The following SRGAP3 variants were observed in gnomAD, a reference collection of about 807,000 sequenced individuals.
The protein encoded by SRGAP3 is SLIT-ROBO Rho GTPase activating protein 3.
In SRGAP3, 39 loss-of-function variants were observed where a neutral mutation model predicts 121.1. The observed-to-expected ratio is 0.32, with a 90% CI of 0.25 to 0.42. SRGAP3 has a LOEUF of 0.42. Among genes scored for constraint, SRGAP3 ranks in the 10% least tolerant of loss-of-function variants. The pLI is 1.00. For missense variants in SRGAP3, 1,213 were observed against 1,470.6 expected, an observed-to-expected ratio of 0.82 and a Z score of 2.86; for synonymous variants, 601 against 570.0, an observed-to-expected ratio of 1.05 and a Z score of -0.77.
chr3:9,068,324 T>C (rs1255658219), intron 4 of SRGAP3, among the ~76,000 whole-genome samples: 1 of 152,210 alleles, frequency 6.6e-6, no homozygotes, highest in Non-Finnish European at 1.5e-5. Context: ...AATTCCCACA[T>C]ATCCTTTGCC....
intron 3 of SRGAP3, 105 bp downstream of exon 3, chr3:9,104,575 C>T: frequency 1.3e-6 from 2 of 1,488,462 alleles, no homozygotes; most frequent in Admixed American, 3.4e-5. Context: ...CCTGCCCCTC[C>T]TGGTCCCTTG....
intron 3 of SRGAP3, among the ~76,000 whole-genome samples, chr3:9,261,956 G>A (rs1954265504): frequency 6.6e-6 from 1 of 151,076 alleles, no homozygotes; most frequent in Admixed American, 6.6e-5. Context: ...AGGGCAGCCA[G>A]AGAGAAAGGT....
intron 3 of SRGAP3, among the ~76,000 whole-genome samples, chr3:9,273,980 T>G (rs896691930): frequency 6.6e-6 from 1 of 152,220 alleles, no homozygotes; most frequent in Non-Finnish European, 1.5e-5. Context: ...TGATCATTTT[T>G]AATATCCTTT....
chr3:9,337,893 A>G (rs1268842816), intron 1 of SRGAP3, among the ~76,000 whole-genome samples: 1 of 152,234 alleles, frequency 6.6e-6, no homozygotes, highest in Non-Finnish European at 1.5e-5. Flanking sequence ...ATCCTGCAGG[A>G]AAGAAATGGT....
At chr3:9,030,564 C>T (rs183642282) in intron 12 of SRGAP3, among the ~76,000 whole-genome samples, 7 of 152,260 alleles carry the variant, frequency 4.6e-5, no homozygotes, top group Middle Eastern at 3.4e-3. Flanking sequence ...AGGTGGCTTC[C>T]CAAGGTGACT....
At position 8,984,581 on chromosome 3, in the gene SRGAP3, G is replaced by C; in HGVS notation, c.*938C>G. 4.3e-6 allele frequency: 1 copy of C among 232,608 alleles called. No individual in the cohort carries two copies. Among genetic ancestry groups the C allele is most frequent in the Non-Finnish European group, 8.5e-6 (1 of 117,678 alleles). The allele number at this position is 232,608 out of a possible 1,614,324, so 14.4% of individuals were successfully genotyped here. The stretch of plus-strand genomic sequence containing the variant: ...CCAACCACATGTAATACTGTGCTAC[G>C]ATGGGGCTTAGGTTCTCACTATCCC... On this transcript the variant is annotated 3_prime_UTR_variant, in exon 22 of 22. Transcript: ENST00000383836.
At chr3:9,342,827 C>T (rs952082595) in intron 1 of SRGAP3, among the ~76,000 whole-genome samples, 7 of 152,232 alleles carry the variant, frequency 4.6e-5, no homozygotes, top group African/African-American at 1.7e-4. Flanking sequence ...GAAGAACCTC[C>T]AGAGTGTACT....
intron 3 of SRGAP3, chr3:9,257,354 T>C (rs2125254301): frequency 6.6e-6 from 1 of 152,282 alleles, no homozygotes; most frequent in South Asian, 2.1e-4. Flanking sequence ...ACTCTCTCTC[T>C]TTCTCTCTGC....
intron 4 of SRGAP3, among the ~76,000 whole-genome samples, chr3:9,068,253 C>T (rs1946522033): frequency 6.6e-6 from 1 of 152,198 alleles, no homozygotes; most frequent in Non-Finnish European, 1.5e-5. Flanking sequence ...CTAGATCTTC[C>T]TGTCCAATCA....
intron 3 of SRGAP3, among the ~76,000 whole-genome samples, chr3:9,289,179 G>A (rs182349917): frequency 7.2e-5 from 11 of 152,248 alleles, no homozygotes; most frequent in East Asian, 3.9e-4. Flanking sequence ...GATTACAGGC[G>A]TGAGCCAGCA....
At chr3:9,104,892 A>G in intron 2 of SRGAP3, 50 bp from the exon 3 acceptor site, 1 of 1,611,928 alleles carries the variant, frequency 6.2e-7, no homozygotes, top group African/African-American at 1.3e-5. Flanking sequence ...CTGTCATCCA[A>G]CAGTGGTTTA....
At chr3:9,173,186 G>T (rs1951051219) in intron 1 of SRGAP3, among the ~76,000 whole-genome samples, 2 of 152,222 alleles carry the variant, frequency 1.3e-5, no homozygotes. Flanking sequence ...CAACAGGGCA[G>T]GAAAGCTTCA....
At chr3:9,023,643 A>T (rs760641942) in intron 14 of SRGAP3, among the ~76,000 whole-genome samples, 3 of 152,004 alleles carry the variant, frequency 2.0e-5, no homozygotes, top group Non-Finnish European at 4.4e-5. Context: ...TGGCTCCCCC[A>T]CTAGTAGTGA....
intron 18 of SRGAP3, among the ~76,000 whole-genome samples, chr3:8,994,875 AT>A (rs1196138622): frequency 6.6e-6 from 1 of 152,102 alleles, no homozygotes; most frequent in African/African-American, 2.4e-5. Context: ...TAATATTTCT[AT>A]TTTTCTATGC....
intron 20 of SRGAP3, chr3:8,992,689 C>T: frequency 1.5e-6 from 1 of 679,506 alleles, no homozygotes; most frequent in Non-Finnish European, 2.5e-6. Context: ...CAACACATGT[C>T]TTTCCTCCTC....
At chr3:9,307,360 G>A (rs1326877434) in intron 3 of SRGAP3, among the ~76,000 whole-genome samples, 1 of 152,192 alleles carries the variant, frequency 6.6e-6, no homozygotes, top group Non-Finnish European at 1.5e-5. Context: ...TGAACAGCCA[G>A]GGGTCCTGGG....
intron 3 of SRGAP3, among the ~76,000 whole-genome samples, chr3:9,259,541 T>A (rs1037955437): frequency 2.6e-5 from 4 of 152,170 alleles, no homozygotes; most frequent in African/African-American, 9.7e-5. Context: ...AGACCTGGGC[T>A]CAAAGGATCT....
chr3:9,138,783 T>C (rs1453414437), intron 1 of SRGAP3, among the ~76,000 whole-genome samples: 41 of 152,228 alleles, frequency 2.7e-4, no homozygotes, highest in Admixed American at 2.7e-3. Flanking sequence ...CTTCAGGCTA[T>C]GTGTAAAAGG....
chr3:9,061,968 G>C (rs1158450876), intron 5 of SRGAP3, among the ~76,000 whole-genome samples: 1 of 152,168 alleles, frequency 6.6e-6, no homozygotes, highest in African/African-American at 2.4e-5. Context: ...CCTTTGCCTA[G>C]ACATTCTTAC....
Sources: allele counts gnomAD v4.1 joint callset (sites outside exome capture counted in the v4.1 genomes callset), GRCh38; gene constraint gnomAD v4.1.1; transcripts MANE v1.5; gene names NCBI Gene and HGNC (gene_info 2026-07-23, HGNC 2026-07-21).